Variants in RYR3 observed in about 807,000 individuals in gnomAD.
RYR3 encodes the protein ryanodine receptor 3, also known as brain ryanodine receptor-calcium release channel.
A neutral mutation model predicts 584.3 loss-of-function variants in RYR3; 207 were observed. The ratio of observed to expected loss-of-function variants is 0.35; its 90% confidence interval spans 0.32 to 0.40. RYR3 has a LOEUF of 0.40. Ranked by LOEUF, RYR3 falls within the 10% of genes least tolerant of loss-of-function variation. RYR3 has a pLI of 1.00. For missense variants in RYR3, 5,616 were observed against 6,089.2 expected, an observed-to-expected ratio of 0.92 and a Z score of 2.59; for synonymous variants, 2,416 against 2,248.5, an observed-to-expected ratio of 1.07 and a Z score of -2.11.
Position 33,311,748 on chromosome 15 carries a change from C to T in RYR3, c.51+652C>T, listed in dbSNP as rs1349733435. Among the ~76,000 whole-genome samples, 5 of 152,242 alleles carry T rather than the reference C, an allele frequency of 3.3e-5. No individual in the cohort carries two copies. Among genetic ancestry groups the T allele is most frequent in the Non-Finnish European group, 7.3e-5 (5 of 68,048 alleles). ...GTGTGTTCGAGAGCTGTGGCTTCTG[C>T]TCCTGGCTCCCGCGAGCCCCGCAGG... On this transcript the variant is annotated intron_variant, in intron 1 of 103. Coordinates refer to ENST00000634891, the MANE Select transcript of RYR3 (RefSeq NM_001036.6). The surrounding 1 kb of genome is among the most constrained non-coding windows in gnomAD (Gnocchi z 4.4).
rs770385577 is a variant in RYR3, at chr15:33,818,687, C to T, written c.10706+3C>T. ...CGCAACGCTCTCACGGAGAGGAGGT[C>T]AGAACCACCAGCTCACCTGCTTCTC... On this transcript the variant is annotated splice_donor_region_variant and intron_variant, in intron 76 of 103. Transcript: ENST00000634891. The T allele has an allele frequency of 6.2e-7, 1 of 1,605,134 alleles. No homozygotes were observed. Among genetic ancestry groups the T allele is most frequent in the South Asian group, 1.1e-5 (1 of 90,640 alleles).
intron 102 of RYR3, 24 bp from the exon 103 acceptor site, chr15:33,864,114 A>AAT: frequency 6.3e-7 from 1 of 1,588,610 alleles, no homozygotes; most frequent in Non-Finnish European, 8.6e-7. Flanking sequence ...CAGAGTATCT[A>AAT]ATACTATCTT....
intron 19 of RYR3, among the ~76,000 whole-genome samples, chr15:33,623,495 A>G (rs1413511517): frequency 6.6e-6 from 1 of 152,208 alleles, no homozygotes; most frequent in African/African-American, 2.4e-5. Flanking sequence ...CAATACTGCA[A>G]TAATATCTAT....
At chr15:33,582,215 A>G (rs1173098950) in intron 14 of RYR3, among the ~76,000 whole-genome samples, 1 of 152,140 alleles carries the variant, frequency 6.6e-6, no homozygotes, top group Non-Finnish European at 1.5e-5. Context: ...CCACCCGCCT[A>G]TGGGTGGGAG....
At chr15:33,346,393 TCTC>T (rs1338429040) in intron 1 of RYR3, among the ~76,000 whole-genome samples, 1 of 152,330 alleles carries the variant, frequency 6.6e-6, no homozygotes, top group East Asian at 1.9e-4. Flanking sequence ...AAAATTCTCT[TCTC>T]CTTATTATTT....
At chr15:33,811,058 T>C (rs142969030) in intron 72 of RYR3, 21 bp downstream of exon 72, 2 of 1,599,026 alleles carry the variant, frequency 1.3e-6, no homozygotes, top group South Asian at 1.1e-5. Flanking sequence ...AGGACAGCAG[T>C]GAGAACTCAC....
intron 83 of RYR3, 48 bp downstream of exon 83, chr15:33,826,317 G>A (rs1474711268): frequency 1.3e-6 from 2 of 1,594,468 alleles, no homozygotes; most frequent in Non-Finnish European, 8.6e-7. Context: ...TGAATCCTAG[G>A]AGATCTCATT....
At chr15:33,448,243 G>A (rs115170660) in intron 1 of RYR3, among the ~76,000 whole-genome samples, 2,256 of 152,240 alleles carry the variant, frequency 0.015, 20 homozygotes, top group Middle Eastern at 0.034. Flanking sequence ...TGCTGGCCTC[G>A]AGAATATGGA....
At chr15:33,765,993 A>G (rs1271426476) in intron 60 of RYR3, among the ~76,000 whole-genome samples, 1 of 152,102 alleles carries the variant, frequency 6.6e-6, no homozygotes, top group Non-Finnish European at 1.5e-5. Flanking sequence ...ATAAAAATGC[A>G]GTCCTGGCTG....
At chr15:33,616,185 A>G (rs2060439867) in intron 19 of RYR3, among the ~76,000 whole-genome samples, 1 of 152,236 alleles carries the variant, frequency 6.6e-6, no homozygotes, top group Admixed American at 6.5e-5. Context: ...CTACTTAGGC[A>G]AATTTAGATC....
At chr15:33,366,404 A>T (rs577525933) in intron 1 of RYR3, among the ~76,000 whole-genome samples, 2 of 152,204 alleles carry the variant, frequency 1.3e-5, no homozygotes, top group Non-Finnish European at 2.9e-5. Context: ...AATATATTGA[A>T]TGGCATAATA....
rs190655613 is a variant in RYR3 at position 33,336,404 on chromosome 15, C to T, written c.51+25308C>T. ...TGGTGCCACTGCACTCCAGCCTGGG[C>T]GACAGAGCGAGACGAAAGAAAGAAA... On this transcript the variant is annotated intron_variant, in intron 1 of 103. Transcript: ENST00000634891. 4.8e-4 allele frequency among the ~76,000 whole-genome samples: 67 copies of T among 138,162 alleles called. 2 individuals are homozygous for T. Among genetic ancestry groups the T allele is most frequent in the African/African-American group, 1.6e-3 (59 of 36,886 alleles). The allele number at this position is 138,162 out of a possible 152,430, so 90.6% of individuals were successfully genotyped here.
At chr15:33,627,589 G>A (rs1355533307) in intron 20 of RYR3, among the ~76,000 whole-genome samples, 1 of 152,210 alleles carries the variant, frequency 6.6e-6, no homozygotes. Flanking sequence ...GGTCTTTTGG[G>A]AGAATTTCAA....
At chr15:33,482,849 A>T (rs955134137) in intron 2 of RYR3, among the ~76,000 whole-genome samples, 1 of 152,090 alleles carries the variant, frequency 6.6e-6, no homozygotes, top group South Asian at 2.1e-4. Context: ...TTTGGGGGAC[A>T]TTATTTCTTA....
At chr15:33,436,940 A>G (rs941183074) in intron 1 of RYR3, among the ~76,000 whole-genome samples, 1 of 152,110 alleles carries the variant, frequency 6.6e-6, no homozygotes, top group African/African-American at 2.4e-5. Flanking sequence ...TTCTTTTTAC[A>G]TTTAAATATC....
intron 47 of RYR3, among the ~76,000 whole-genome samples, chr15:33,729,971 A>G (rs147361398): frequency 5.4e-4 from 83 of 152,298 alleles, no homozygotes; most frequent in Middle Eastern, 3.4e-3. Flanking sequence ...TGGGAGCTGC[A>G]TTCCCATGTG....
At chr15:33,454,043 A>G (rs987749928) in intron 1 of RYR3, among the ~76,000 whole-genome samples, 10 of 152,248 alleles carry the variant, frequency 6.6e-5, no homozygotes, top group Non-Finnish European at 1.5e-4. Context: ...CTAAGCAGAC[A>G]TCATAAGAAT....
intron 1 of RYR3, among the ~76,000 whole-genome samples, chr15:33,361,392 C>T (rs1262367552): frequency 6.6e-6 from 1 of 152,132 alleles, no homozygotes; most frequent in Non-Finnish European, 1.5e-5. Context: ...AATAAAACTA[C>T]CTAACCATGC....
At chr15:33,759,848 C>A (rs190356339) in intron 60 of RYR3, among the ~76,000 whole-genome samples, 116 of 152,120 alleles carry the variant, frequency 7.6e-4, no homozygotes, top group Non-Finnish European at 1.4e-3. Flanking sequence ...ATCAGATTCA[C>A]CAAGGTTGAA....
Sources: gnomAD v4.1 joint callset for allele counts (sites outside exome capture counted in the v4.1 genomes callset) on GRCh38, gnomAD v4.1.1 for gene constraint, Gnocchi (gnomAD v3.1) non-coding constraint, MANE v1.5 for transcripts, NCBI Gene and HGNC (gene_info 2026-07-23, HGNC 2026-07-21) for gene names.